The following PEX1 variants were observed in gnomAD, a reference collection of about 807,000 sequenced individuals.
PEX1 encodes the protein peroxisomal ATPase PEX1.
PEX1 carries 97 observed loss-of-function variants against 152.5 expected under a neutral mutation model. That is an observed-to-expected ratio of 0.64 (90% CI 0.54 to 0.75). The LOEUF is 0.75. Ranked by LOEUF, PEX1 falls within the 30% of genes least tolerant of loss-of-function variation. The pLI is 0.00. For missense variants in PEX1, 1,357 were observed against 1,516.3 expected, an observed-to-expected ratio of 0.89 and a Z score of 1.74; for synonymous variants, 485 against 531.6, an observed-to-expected ratio of 0.91 and a Z score of 1.21.
chr7:92,501,913 C>T lies in PEX1; in HGVS notation c.2393G>A (p.Arg798His), dbSNP rs535789511. The change falls in exon 14 of 24, where the codon CGT becomes CAT. Residue 798 changes from arginine to histidine, a missense_variant. Coordinates refer to ENST00000248633, the MANE Select transcript of PEX1 (RefSeq NM_000466.3). ...ACTTTCTCTGGTGGATATACTCTGACGAGAGAGTCGAGAATGTATGGCTCG... is the reference window on the plus strand; with the variant it reads ...ACTTTCTCTGGTGGATATACTCTGATGAGAGAGTCGAGAATGTATGGCTCG... The part of the protein sequence containing the change: ...VDRAIHSRLS[R>H]QSISTREKLV... 34 of 1,613,756 alleles carry T rather than the reference C, an allele frequency of 2.1e-5. No homozygotes were observed. Among genetic ancestry groups the T allele is most frequent in the South Asian group, 9.9e-5 (9 of 91,040 alleles).
At chr7:92,523,756 G>A (rs1416375485) in intron 1 of PEX1, among the ~76,000 whole-genome samples, 2 of 152,288 alleles carry the variant, frequency 1.3e-5, no homozygotes, top group African/African-American at 4.8e-5. Flanking sequence ...ACTTGAGTCA[G>A]GGAGGTTGAG....
At chr7:92,512,375 G>A (rs1420602670) in intron 6 of PEX1, among the ~76,000 whole-genome samples, 1 of 152,208 alleles carries the variant, frequency 6.6e-6, no homozygotes, top group African/African-American at 2.4e-5. Flanking sequence ...CTGGAGTGCA[G>A]TGGCACAATC....
chr7:92,509,916 G>A (rs1792375285), intron 8 of PEX1, among the ~76,000 whole-genome samples: 2 of 152,122 alleles, frequency 1.3e-5, no homozygotes, highest in South Asian at 4.1e-4. Flanking sequence ...GGCTGAGGAG[G>A]GCAGATCACT....
chr7:92,512,646 C>T lies in PEX1; in HGVS notation c.1360-943G>A, dbSNP rs116405791. ...AGCTGAGATTACAGGATTAGCACCA[C>T]GCCCCGATAATTTTGGTATTTTTAG... On this transcript the variant is annotated intron_variant, in intron 6 of 23. Coordinates refer to ENST00000248633, the MANE Select transcript of PEX1 (RefSeq NM_000466.3). Among the ~76,000 whole-genome samples, 1,115 of 151,488 alleles carry T rather than the reference C, an allele frequency of 7.4e-3. 16 individuals are homozygous for T. Among genetic ancestry groups the T allele is most frequent in the African/African-American group, 0.026 (1,058 of 41,274 alleles).
chr7:92,528,180 G>A (rs1585268677), intron 1 of PEX1, 127 bp downstream of exon 1: 2 of 1,258,262 alleles, frequency 1.6e-6, no homozygotes, highest in East Asian at 5.1e-5. Flanking sequence ...CTGCCGTCGA[G>A]GGACCCTGAT....
chr7:92,491,817 A>G (rs1231239045), intron 20 of PEX1, among the ~76,000 whole-genome samples: 1 of 152,206 alleles, frequency 6.6e-6, no homozygotes, highest in Non-Finnish European at 1.5e-5. Flanking sequence ...CTCCAAAATG[A>G]TGAATCAACC....
At position 92,507,049 on chromosome 7, in the gene PEX1, A is replaced by G; in HGVS notation, c.1748T>C (p.Leu583Pro). ...SLLGRPLSRQ[L>P]MSLVAGLRNG... is the part of the protein sequence containing the mutation. ...CCTAAGTCCTGCAACAAGAGACATCAGCTGCCGAGACAAAGGGCGTCCCAG... is the reference window on the plus strand; with the variant it reads ...CCTAAGTCCTGCAACAAGAGACATCGGCTGCCGAGACAAAGGGCGTCCCAG... Residue 583 changes from leucine to proline, a missense_variant, in exon 10 of 24, where the codon CTG (leucine) becomes CCG (proline). Transcript: ENST00000248633. The G allele has an allele frequency of 6.2e-7, 1 of 1,614,116 alleles. No homozygotes were observed. The highest frequency in any genetic ancestry group is 1.1e-5 in the South Asian group (1 of 91,080).
At chr7:92,502,178 CAGAA>C in intron 13 of PEX1, 99 bp from the exon 14 acceptor site, 1 of 854,004 alleles carries the variant, frequency 1.2e-6, no homozygotes, top group Non-Finnish European at 1.9e-6. Context: ...TCTATAGTGA[CAGAA>C]AGCAAATTGG....
intron 20 of PEX1, among the ~76,000 whole-genome samples, chr7:92,491,991 AAAG>A (rs1791356925): frequency 6.6e-6 from 1 of 152,234 alleles, no homozygotes; most frequent in Non-Finnish European, 1.5e-5. Flanking sequence ...CAAATGTGGT[AAAG>A]AAGAGTAATA....
At chr7:92,511,788 T>A in intron 6 of PEX1, 85 bp from the exon 7 acceptor site, 1 of 1,296,476 alleles carries the variant, frequency 7.7e-7, no homozygotes, top group Non-Finnish European at 1.1e-6. Flanking sequence ...ATCTTCCTAA[T>A]AAAGTGTAAG....
chr7:92,516,060 G>GAGAAGAGAAGAGAAGAGAAGAGAA lies in PEX1; in HGVS notation c.1239+1215_1239+1216insTTCTCTTCTCTTCTCTTCTCTTCT, dbSNP rs1562864877. 1.1e-4 allele frequency among the ~76,000 whole-genome samples: 6 copies of GAGAAGAGAAGAGAAGAGAAGAGAA among 52,404 alleles called. No individual in the cohort carries two copies. The East Asian group carries it at 1.8e-3, about 16-fold the overall frequency. The allele number at this position is 52,404 out of a possible 152,430, so 34.4% of individuals were successfully genotyped here. ...AGAGAAGAGAAGAGAAGAGAAAAAA[G>GAGAAGAGAAGAGAAGAGAAGAGAA]AAAAGAAAAGAAAAGAAAAGAAAAG... On this transcript the variant is annotated intron_variant, in intron 5 of 23. Coordinates refer to ENST00000248633, the MANE Select transcript of PEX1 (RefSeq NM_000466.3).
At chr7:92,523,703 C>T (rs989397219) in intron 1 of PEX1, among the ~76,000 whole-genome samples, 3 of 152,032 alleles carry the variant, frequency 2.0e-5, no homozygotes, top group Non-Finnish European at 2.9e-5. Context: ...TGGTGGCATA[C>T]GCCTGTGGTC....
At chr7:92,509,434 GT>G (rs1020336349) in intron 8 of PEX1, 23 bp from the exon 9 acceptor site, 20 of 1,533,914 alleles carry the variant, frequency 1.3e-5, no homozygotes, top group Non-Finnish European at 1.3e-5. Context: ...GGAAAAATCA[GT>G]TTTACATTTC....
At position 92,487,539 on chromosome 7, in the gene PEX1, T is replaced by A; in HGVS notation, c.3770A>T (p.Tyr1257Phe). ...CCTCTTTGGATTTTGAAAGCTTTCA[T>A]ATCTGAAAAAAGAAAGAGATAATTT... ...EDDWKNFAEL[Y>F]ESFQNPKRRK... Residue 1257 changes from tyrosine (Y) to phenylalanine (F), a missense_variant and splice_region_variant, in exon 24 of 24, where the codon TAT becomes TTT. Tyr to Phe is a conservative substitution (Grantham distance 22). Transcript: ENST00000248633. 6.6e-7 allele frequency: 1 copy of A among 1,511,456 alleles called. No individual in the cohort carries two copies. The highest frequency in any genetic ancestry group is 9.2e-7 in the Non-Finnish European group (1 of 1,090,646). 93.6% of individuals were successfully genotyped at this position (1,511,456 alleles called of 1,614,324 possible).
chr7:92,510,959 C>T lies in PEX1; in HGVS notation c.1572G>A (p.Gln524=). 1 of 1,519,374 alleles carries T rather than the reference C, an allele frequency of 6.6e-7. No homozygotes were observed. Among genetic ancestry groups the T allele is most frequent in the Non-Finnish European group, 9.1e-7 (1 of 1,094,402 alleles). The allele number at this position is 1,519,374 out of a possible 1,614,324, so 94.1% of individuals were successfully genotyped here. A position where few individuals can be genotyped will look rare whatever the true frequency, so the allele number is the denominator to read the frequency against. ...NIFLLSPNLL[Q]KTTIQVLLDP... ...ATGCTATTACTTGTATTGTAGTCTT[C>T]TGCAGCAAATTGGGACTCAACAGAA... is the stretch of plus-strand genomic sequence containing the variant. The change falls in exon 8 of 24, where the codon CAG becomes CAA. Residue 524 remains glutamine, a synonymous_variant. Transcript: ENST00000248633.
At chr7:92,525,897 G>A (rs1052753330) in intron 1 of PEX1, among the ~76,000 whole-genome samples, 1 of 152,206 alleles carries the variant, frequency 6.6e-6, no homozygotes, top group Non-Finnish European at 1.5e-5. Flanking sequence ...GCTATGTGGA[G>A]GAGGTAGGAT....
chr7:92,499,850 A>C lies in PEX1; in HGVS notation c.2584-12T>G, dbSNP rs1320590069. Reference sequence around the variant, plus strand: ...AATAATTCTGGATACTGAGAAACAAAAAAAAAAAATATGAAAAAGAGCTCA... The same window carrying C: ...AATAATTCTGGATACTGAGAAACAACAAAAAAAAATATGAAAAAGAGCTCA... On this transcript the variant is annotated splice_polypyrimidine_tract_variant and intron_variant, in intron 15 of 23. Coordinates refer to ENST00000248633, the MANE Select transcript of PEX1 (RefSeq NM_000466.3). The C allele has an allele frequency of 4.0e-6, 6 of 1,500,636 alleles. No individual in the cohort carries two copies. The African/African-American group carries it at 8.3e-5, about 21-fold the overall frequency. The allele number at this position is 1,500,636 out of a possible 1,614,324, so 93.0% of individuals were successfully genotyped here. A position where few individuals can be genotyped will look rare whatever the true frequency, so the allele number is the denominator to read the frequency against.
rs369100815 is a variant in PEX1 at position 92,519,059 on chromosome 7, G to A, written c.293C>T (p.Ser98Phe). The change falls in exon 3 of 24, where the codon TCC becomes TTC. Residue 98 changes from serine (S) to phenylalanine (F), a missense_variant. Physicochemically the swap from Ser to Phe is radical, Grantham distance 155. Transcript: ENST00000248633. ...NGGQVFLKPCSHVVSCQQVEV... is the reference protein window; with the variant it reads ...NGGQVFLKPCFHVVSCQQVEV... ...AACTTGTTGACAAGATACCACATGG[G>A]AACATGGCTTGAGAAATACCTAGAA... 2.1e-5 allele frequency: 34 copies of A among 1,606,254 alleles called. No individual in the cohort carries two copies. In the African/African-American group the frequency reaches 4.5e-4, roughly 21 times the overall value.
chr7:92,497,522 C>T (rs947932220), intron 16 of PEX1, among the ~76,000 whole-genome samples: 5 of 151,126 alleles, frequency 3.3e-5, no homozygotes, highest in Non-Finnish European at 7.4e-5. Flanking sequence ...AATAAATTTC[C>T]CTGCATATAG....
Sources: gnomAD v4.1 joint callset for allele counts (sites outside exome capture counted in the v4.1 genomes callset) on GRCh38, gnomAD v4.1.1 for gene constraint, MANE v1.5 for transcripts, NCBI Gene and HGNC (gene_info 2026-07-23, HGNC 2026-07-21) for gene names.